Variants in CCDC6 observed in about 807,000 individuals in gnomAD.
The protein encoded by CCDC6 is coiled-coil domain containing 6.
Under a neutral mutation model 56.6 loss-of-function variants are expected in CCDC6, and 20 were observed. The observed-to-expected ratio is 0.35, with a 90% CI of 0.25 to 0.51. CCDC6 has a LOEUF of 0.51. CCDC6 is among the 20% of genes least tolerant of loss of function. The pLI, the probability that CCDC6 is intolerant of heterozygous loss-of-function variation, is 0.95. For missense variants in CCDC6, 367 were observed against 601.1 expected (o/e 0.61, Z 4.07); for synonymous variants, 241 against 234.4 (o/e 1.03, Z -0.26).
intron 5 of CCDC6, among the ~76,000 whole-genome samples, chr10:59,811,405 CAA>C (rs2070670748): frequency 6.6e-6 from 1 of 152,156 alleles, no homozygotes; most frequent in Non-Finnish European, 1.5e-5. Context: ...GCACAGGTAT[CAA>C]ACACGTGTAT....
chr10:59,830,654 G>A (rs550011403), intron 3 of CCDC6, among the ~76,000 whole-genome samples: 1 of 152,278 alleles, frequency 6.6e-6, no homozygotes, highest in South Asian at 2.1e-4. Flanking sequence ...AGGTCACTAA[G>A]TTATTAACTT....
intron 1 of CCDC6, among the ~76,000 whole-genome samples, chr10:59,864,414 G>T (rs1343917464): frequency 6.6e-6 from 1 of 152,092 alleles, no homozygotes; most frequent in African/African-American, 2.4e-5. Flanking sequence ...ACAAAACAAA[G>T]TTAGCACCTA....
chr10:59,848,164 C>T (rs1328022370), intron 2 of CCDC6, among the ~76,000 whole-genome samples: 1 of 152,182 alleles, frequency 6.6e-6, no homozygotes, highest in Non-Finnish European at 1.5e-5. Flanking sequence ...ACTGCCAAGA[C>T]AGGTTCTGGC....
rs981525129 is a variant in CCDC6 at position 59,889,911 on chromosome 10, C to A, written c.303+16211G>T. Among the ~76,000 whole-genome samples, 204 of 152,298 alleles carry A rather than the reference C, an allele frequency of 1.3e-3. 5 individuals are homozygous for A. The highest frequency in any genetic ancestry group is 0.013 in the Admixed American group (198 of 15,306). ...CCCTGGGTTGTCTCATCACCCACCCCACTTCAGCTTCTCAGCAACTCTACC... is the reference window on the plus strand; with the variant it reads ...CCCTGGGTTGTCTCATCACCCACCCAACTTCAGCTTCTCAGCAACTCTACC... On this transcript the variant is annotated intron_variant, in intron 1 of 8. Transcript: ENST00000263102.
intron 1 of CCDC6, among the ~76,000 whole-genome samples, chr10:59,870,697 A>G (rs993014265): frequency 6.6e-6 from 1 of 152,140 alleles, no homozygotes; most frequent in Non-Finnish European, 1.5e-5. Context: ...GCAACTTTGG[A>G]GTCATAGCTT....
At chr10:59,818,712 G>T (rs1252193237) in intron 3 of CCDC6, among the ~76,000 whole-genome samples, 1 of 152,164 alleles carries the variant, frequency 6.6e-6, no homozygotes, top group South Asian at 2.1e-4. Context: ...ATTGGGTCCT[G>T]CTTTGTGCCC....
intron 1 of CCDC6, among the ~76,000 whole-genome samples, chr10:59,899,474 C>T (rs779106247): frequency 2.6e-5 from 4 of 152,230 alleles, no homozygotes; most frequent in Non-Finnish European, 5.9e-5. Flanking sequence ...CACACAAATA[C>T]ACTGTGGTGA....
intron 1 of CCDC6, among the ~76,000 whole-genome samples, chr10:59,865,306 C>T (rs1178792708): frequency 6.6e-6 from 1 of 152,146 alleles, no homozygotes; most frequent in African/African-American, 2.4e-5. Flanking sequence ...CACCTCCTAA[C>T]TTCAAAGAAT....
intron 2 of CCDC6, among the ~76,000 whole-genome samples, chr10:59,844,339 G>T (rs1039296660): frequency 1.3e-5 from 2 of 151,088 alleles, no homozygotes; most frequent in African/African-American, 4.9e-5. Flanking sequence ...TATCTAAAGG[G>T]TTAAGTTTGA....
intron 2 of CCDC6, among the ~76,000 whole-genome samples, chr10:59,847,580 G>T (rs988915063): frequency 6.6e-6 from 1 of 152,120 alleles, no homozygotes; most frequent in East Asian, 1.9e-4. Context: ...AGCATAGCAG[G>T]ACTCTGAGCT....
At chr10:59,880,984 A>G (rs1349085430) in intron 1 of CCDC6, among the ~76,000 whole-genome samples, 1 of 152,088 alleles carries the variant, frequency 6.6e-6, no homozygotes, top group African/African-American at 2.4e-5. Context: ...ACCTTTCTAT[A>G]ATCTGGCAGA....
intron 1 of CCDC6, among the ~76,000 whole-genome samples, chr10:59,857,610 T>C (rs147837444): frequency 3.5e-4 from 54 of 152,146 alleles, no homozygotes; most frequent in African/African-American, 1.3e-3. Flanking sequence ...ATCTATTTGA[T>C]AGCAGCCCTA....
At chr10:59,867,300 A>C (rs1363504849) in intron 1 of CCDC6, among the ~76,000 whole-genome samples, 1 of 152,016 alleles carries the variant, frequency 6.6e-6, no homozygotes, top group Non-Finnish European at 1.5e-5. Flanking sequence ...AGCCTGAAAA[A>C]CTGATTCAGG....
At chr10:59,882,737 G>T (rs2071353834) in intron 1 of CCDC6, among the ~76,000 whole-genome samples, 1 of 150,512 alleles carries the variant, frequency 6.6e-6, no homozygotes, top group Non-Finnish European at 1.5e-5. Context: ...GAGGCAGGCG[G>T]ATTATGAGGT....
chr10:59,859,199 C>CGTGTGTGTGTGTGTGT (rs66648240), intron 1 of CCDC6, among the ~76,000 whole-genome samples: 78 of 137,260 alleles, frequency 5.7e-4, no homozygotes, highest in African/African-American at 1.9e-3. Flanking sequence ...CATGTGTGTG[C>CGTGTGTGTGTGTGTGT]GTGTGTGTGT....
intron 2 of CCDC6, among the ~76,000 whole-genome samples, chr10:59,840,537 C>G (rs923573554): frequency 3.9e-5 from 6 of 152,176 alleles, no homozygotes; most frequent in Non-Finnish European, 7.3e-5. Flanking sequence ...TAAATAATTT[C>G]TAAAGAAAAC....
Position 59,862,516 on chromosome 10 carries a change from T to TACACAC in CCDC6, c.304-9820_304-9815dup, listed in dbSNP as rs60162547. Among the ~76,000 whole-genome samples the TACACAC allele has an allele frequency of 2.2e-3, 210 of 97,170 alleles. 2 individuals are homozygous for TACACAC. The highest frequency in any genetic ancestry group is 5.8e-3 in the South Asian group (16 of 2,764). The allele number at this position is 97,170 out of a possible 152,430, so 63.7% of individuals were successfully genotyped here. ...AAAAAAAAAAGTATATATATATATA[T>TACACAC]ACACACACACACACACACACACACA... On this transcript the variant is annotated intron_variant, in intron 1 of 8. Coordinates refer to ENST00000263102, the MANE Select transcript of CCDC6 (RefSeq NM_005436.5).
intron 3 of CCDC6, among the ~76,000 whole-genome samples, chr10:59,819,334 A>G (rs1440372435): frequency 4.6e-5 from 7 of 152,196 alleles, no homozygotes; most frequent in Non-Finnish European, 1.0e-4. Context: ...TGAAAAGAGC[A>G]GGGCCTCTTG....
At chr10:59,834,577 A>AG (rs1338865535) in intron 2 of CCDC6, among the ~76,000 whole-genome samples, 3 of 151,834 alleles carry the variant, frequency 2.0e-5, no homozygotes, top group Admixed American at 6.6e-5. Flanking sequence ...AAGAAAAAAA[A>AG]AAAAGAAAAA....
Sources: gnomAD v4.1 joint callset for allele counts (sites outside exome capture counted in the v4.1 genomes callset) on GRCh38, gnomAD v4.1.1 for gene constraint, MANE v1.5 for transcripts, NCBI Gene and HGNC (gene_info 2026-07-23, HGNC 2026-07-21) for gene names.